Variants in SH2D4B observed in about 807,000 individuals in gnomAD.
The protein encoded by SH2D4B is SH2 domain-containing protein 4B.
SH2D4B carries 45 observed loss-of-function variants against 61.5 expected under a neutral mutation model. The ratio of observed to expected loss-of-function variants is 0.73; its 90% CI spans 0.58 to 0.94. The LOEUF (loss-of-function observed/expected upper bound fraction) is 0.94, where lower values mean the gene tolerates loss of function less well. Ranked by LOEUF, SH2D4B falls within the 40% of genes least tolerant of loss-of-function variation. The pLI, the probability that SH2D4B is intolerant of heterozygous loss-of-function variation, is 0.00. For missense variants in SH2D4B, 572 were observed against 574.2 expected (o/e 1.00, Z 0.04); for synonymous variants, 224 against 220.4 (o/e 1.02, Z -0.14).
intron 6 of SH2D4B, among the ~76,000 whole-genome samples, chr10:80,611,713 C>T (rs940572876): frequency 6.6e-6 from 1 of 152,092 alleles, no homozygotes; most frequent in Non-Finnish European, 1.5e-5. Context: ...GGTGCTCCAA[C>T]TGCCTTTGGC....
chr10:80,571,797 G>A (rs887771679), intron 3 of SH2D4B, among the ~76,000 whole-genome samples: 8 of 143,976 alleles, frequency 5.6e-5, no homozygotes, highest in African/African-American at 1.8e-4. Flanking sequence ...TTTTTGAGAC[G>A]GAGTCTTGCT....
intron 1 of SH2D4B, among the ~76,000 whole-genome samples, chr10:80,564,796 G>C (rs1564769406): frequency 6.6e-6 from 1 of 152,186 alleles, no homozygotes; most frequent in Non-Finnish European, 1.5e-5. Flanking sequence ...CTCCATTTTA[G>C]TAACATAACC....
At chr10:80,598,271 A>G (rs998283237) in intron 4 of SH2D4B, among the ~76,000 whole-genome samples, 4 of 152,208 alleles carry the variant, frequency 2.6e-5, no homozygotes, top group African/African-American at 7.2e-5. Flanking sequence ...GTCTGTGTTC[A>G]TGAAGTGCTC....
chr10:80,584,429 T>C (rs1487595881), intron 3 of SH2D4B, among the ~76,000 whole-genome samples: 1 of 152,192 alleles, frequency 6.6e-6, no homozygotes, highest in African/African-American at 2.4e-5. Flanking sequence ...GAGAAAACTT[T>C]GGGAAAATTC....
At chr10:80,599,910 A>C (rs34534994) in intron 4 of SH2D4B, among the ~76,000 whole-genome samples, 43,524 of 151,804 alleles carry the variant, frequency 0.29, 6,861 homozygotes, top group African/African-American at 0.41. Flanking sequence ...CTGACAAGAG[A>C]CCCTGACTCC....
chr10:80,564,110 T>G (rs1309661465), intron 1 of SH2D4B, among the ~76,000 whole-genome samples: 1 of 152,234 alleles, frequency 6.6e-6, no homozygotes, highest in East Asian at 1.9e-4. Context: ...TTTAATTGTC[T>G]TTATGATGTG....
chr10:80,581,844 C>T (rs551558278), intron 3 of SH2D4B, among the ~76,000 whole-genome samples: 55 of 152,328 alleles, frequency 3.6e-4, no homozygotes, highest in Admixed American at 6.5e-4. Flanking sequence ...CTGACACCTG[C>T]TCCTGCCTGG....
intron 1 of SH2D4B, among the ~76,000 whole-genome samples, chr10:80,555,002 CAAAAAAAAA>C (rs35160548): frequency 1.6e-5 from 1 of 63,662 alleles, no homozygotes. Flanking sequence ...AGGCGAGTCT[CAAAAAAAAA>C]AAAAAAAAAA....
At chr10:80,617,552 C>T (rs1405433573) in intron 6 of SH2D4B, among the ~76,000 whole-genome samples, 2 of 152,136 alleles carry the variant, frequency 1.3e-5, no homozygotes, top group African/African-American at 2.4e-5. Flanking sequence ...GTGCTAAGTA[C>T]AGGGTGTGTG....
intron 1 of SH2D4B, among the ~76,000 whole-genome samples, chr10:80,558,782 G>C (rs1450986946): frequency 6.6e-6 from 1 of 152,138 alleles, no homozygotes; most frequent in Non-Finnish European, 1.5e-5. Flanking sequence ...TAGGATTACA[G>C]GTGTGAGCCG....
intron 1 of SH2D4B, among the ~76,000 whole-genome samples, chr10:80,559,804 A>AT (rs906781004): frequency 6.6e-6 from 1 of 150,868 alleles, no homozygotes; most frequent in Non-Finnish European, 1.5e-5. Flanking sequence ...CGTCTGGCTA[A>AT]TTTTTTTACA....
chr10:80,580,833 C>T (rs1842178201), intron 3 of SH2D4B, among the ~76,000 whole-genome samples: 1 of 152,134 alleles, frequency 6.6e-6, no homozygotes, highest in South Asian at 2.1e-4. Flanking sequence ...CTGGACAGCT[C>T]AGAGGGCTTT....
At chr10:80,626,853 G>T (rs1290356200) in intron 6 of SH2D4B, among the ~76,000 whole-genome samples, 1 of 152,202 alleles carries the variant, frequency 6.6e-6, no homozygotes, top group African/African-American at 2.4e-5. Context: ...AACAGAGAGA[G>T]CACTGGACTT....
At chr10:80,575,532 G>A (rs10400129) in intron 3 of SH2D4B, among the ~76,000 whole-genome samples, 5,581 of 152,170 alleles carry the variant, frequency 0.037, 355 homozygotes, top group African/African-American at 0.12. Flanking sequence ...CAGCTGAGGC[G>A]GGTGGATCAC....
In SH2D4B at chr10:80,644,375, A is replaced by G; in HGVS notation, c.*290A>G. The G allele has an allele frequency of 2.9e-6, 1 of 339,948 alleles. No homozygotes were observed. The highest frequency in any genetic ancestry group is 5.4e-6 in the Non-Finnish European group (1 of 186,772). 21.1% of individuals were successfully genotyped at this position (339,948 alleles called of 1,614,324 possible). ...TGGCTGCCGTAAACCGAGCTCTTAC[A>G]GTGCGTGGACCATGTTTTAATAATC... On this transcript the variant is annotated 3_prime_UTR_variant, in exon 8 of 8. Coordinates refer to ENST00000646907, the MANE Select transcript of SH2D4B (RefSeq NM_001388272.1).
intron 4 of SH2D4B, among the ~76,000 whole-genome samples, chr10:80,595,266 G>A (rs1254524969): frequency 2.6e-5 from 4 of 152,162 alleles, no homozygotes; most frequent in Non-Finnish European, 5.9e-5. Context: ...TGCAGTGCAA[G>A]CCTCATCTCT....
chr10:80,581,642 C>T (rs1287182292), intron 3 of SH2D4B, among the ~76,000 whole-genome samples: 2 of 152,174 alleles, frequency 1.3e-5, no homozygotes, highest in African/African-American at 2.4e-5. Flanking sequence ...ACGAAGCCAA[C>T]CCTGCCACAC....
intron 1 of SH2D4B, among the ~76,000 whole-genome samples, chr10:80,554,407 T>C (rs547212646): frequency 6.6e-6 from 1 of 152,232 alleles, no homozygotes; most frequent in African/African-American, 2.4e-5. Flanking sequence ...CAGTTCAGGT[T>C]CTCCAGAGAA....
chr10:80,619,966 G>C (rs1842700147), intron 6 of SH2D4B, among the ~76,000 whole-genome samples: 1 of 152,202 alleles, frequency 6.6e-6, no homozygotes, highest in South Asian at 2.1e-4. Flanking sequence ...TTCTTGAACT[G>C]TGGTCAGCCT....
Sources: gnomAD v4.1 joint callset for allele counts (sites outside exome capture counted in the v4.1 genomes callset) on GRCh38, gnomAD v4.1.1 for gene constraint, MANE v1.5 for transcripts, NCBI Gene and HGNC (gene_info 2026-07-23, HGNC 2026-07-21) for gene names.